The following KHDRBS2 variants were observed in gnomAD, a reference collection of about 807,000 sequenced individuals.
KHDRBS2 encodes the protein KH domain-containing, RNA-binding, signal transduction-associated protein 2.
A neutral mutation model predicts 44.3 loss-of-function variants in KHDRBS2; 26 were observed. The observed-to-expected ratio is 0.59, with a 90% CI of 0.43 to 0.81. KHDRBS2 has a LOEUF of 0.81. Ranked by LOEUF, KHDRBS2 falls within the 40% of genes least tolerant of loss-of-function variation. KHDRBS2 has a pLI of 0.00. For synonymous variants in KHDRBS2, 194 were observed against 151.1 expected, an observed-to-expected ratio of 1.28 and a Z score of -2.08; for missense variants, 476 against 433.1, an observed-to-expected ratio of 1.10 and a Z score of -0.88.
intron 3 of KHDRBS2, among the ~76,000 whole-genome samples, chr6:62,035,930 C>A (rs543597745): frequency 1.3e-5 from 2 of 152,078 alleles, no homozygotes; most frequent in Non-Finnish European, 1.5e-5. Flanking sequence ...GACAAAAATT[C>A]TTCATTAGAT....
chr6:61,577,315 G>A, the KHDRBS2 span, among the ~76,000 whole-genome samples: 1 of 151,946 alleles, frequency 6.6e-6, no homozygotes, highest in East Asian at 1.9e-4. Flanking sequence ...CTTCTTCCAC[G>A]CCTGTGTAAG....
chr6:61,816,781 A>G, intron 6 of KHDRBS2: 1 of 371,686 alleles, frequency 2.7e-6, no homozygotes, highest in Non-Finnish European at 5.4e-6. Flanking sequence ...ATATTCATTC[A>G]AGGTGACATT....
intron 3 of KHDRBS2, 74 bp from the exon 4 acceptor site, chr6:61,978,286 C>G: frequency 8.3e-7 from 1 of 1,198,750 alleles, no homozygotes; most frequent in Non-Finnish European, 1.2e-6. Flanking sequence ...GAGAATATGA[C>G]AAAGGTGTAT....
chr6:62,258,250 C>T (rs1284026400), intron 1 of KHDRBS2, among the ~76,000 whole-genome samples: 3 of 151,980 alleles, frequency 2.0e-5, no homozygotes, highest in Non-Finnish European at 2.9e-5. Context: ...GTTTTTTAAA[C>T]GTTTCCTCCA....
intron 4 of KHDRBS2, among the ~76,000 whole-genome samples, chr6:61,956,773 C>T (rs1473094850): frequency 6.6e-6 from 1 of 152,170 alleles, no homozygotes; most frequent in Admixed American, 6.5e-5. Context: ...ACCCAAAACA[C>T]AAAAAGTATC....
chr6:62,100,780 T>C lies in KHDRBS2; in HGVS notation c.220-52786A>G, dbSNP rs566790073. Among the ~76,000 whole-genome samples, 5 of 152,350 alleles carry C rather than the reference T, an allele frequency of 3.3e-5. No individual in the cohort carries two copies. In the South Asian group the frequency reaches 1.0e-3, roughly 32 times the overall value. ...GTGTAGCATAAACCTAACTTTTATATGCACTGGGAAACCAGATAATTTGTG... is the reference window on the plus strand; with the variant it reads ...GTGTAGCATAAACCTAACTTTTATACGCACTGGGAAACCAGATAATTTGTG... On this transcript the variant is annotated intron_variant, in intron 2 of 8. Coordinates refer to ENST00000281156, the MANE Select transcript of KHDRBS2 (RefSeq NM_152688.4).
At chr6:62,098,042 C>T (rs536718863) in intron 2 of KHDRBS2, among the ~76,000 whole-genome samples, 1 of 152,136 alleles carries the variant, frequency 6.6e-6, no homozygotes, top group East Asian at 1.9e-4. Context: ...TCTATTCCCC[C>T]CACATTTGGA....
chr6:62,090,515 C>G (rs930442820), intron 2 of KHDRBS2, among the ~76,000 whole-genome samples: 1 of 151,480 alleles, frequency 6.6e-6, no homozygotes, highest in African/African-American at 2.4e-5. Context: ...AATACCAATG[C>G]AATTCTCTAC....
Position 61,894,628 on chromosome 6 carries a change from T to G in KHDRBS2, c.810+7A>C. On this transcript the variant is annotated splice_region_variant and intron_variant, in intron 6 of 8. Coordinates refer to ENST00000281156, the MANE Select transcript of KHDRBS2 (RefSeq NM_152688.4). Reference sequence around the variant, plus strand: ...ATCCTTACAACTTATTTCTTAAGAGTACTTACATATTCTTCATAAGCTTCA... The same window carrying G: ...ATCCTTACAACTTATTTCTTAAGAGGACTTACATATTCTTCATAAGCTTCA... 1 of 1,606,318 alleles carries G rather than the reference T, an allele frequency of 6.2e-7. No homozygotes were observed. Among genetic ancestry groups the G allele is most frequent in the Non-Finnish European group, 8.5e-7 (1 of 1,176,260 alleles).
chr6:61,769,574 G>C (rs990311575), intron 6 of KHDRBS2, among the ~76,000 whole-genome samples: 1 of 152,142 alleles, frequency 6.6e-6, no homozygotes, highest in African/African-American at 2.4e-5. Context: ...ATGGAGTCTC[G>C]CTCATTGCTA....
At chr6:62,149,104 A>G (rs956014584) in intron 2 of KHDRBS2, among the ~76,000 whole-genome samples, 1 of 152,090 alleles carries the variant, frequency 6.6e-6, no homozygotes. Context: ...GTTCTTTCCC[A>G]GACACAGCCT....
the KHDRBS2 span, among the ~76,000 whole-genome samples, chr6:61,633,383 A>T: frequency 6.6e-6 from 1 of 152,072 alleles, no homozygotes; most frequent in Non-Finnish European, 1.5e-5. Context: ...CCCTTTACAC[A>T]CTGTGAGGAT....
Position 61,955,536 on chromosome 6 carries a change from A to G in KHDRBS2, c.483+22530T>C, listed in dbSNP as rs200736016. ...CATATGTATGTATGTATACATGTGT[A>G]TATATACACATATGTATGTATACAT... On this transcript the variant is annotated intron_variant, in intron 4 of 8. Coordinates refer to ENST00000281156, the MANE Select transcript of KHDRBS2 (RefSeq NM_152688.4). Among the ~76,000 whole-genome samples, 45 of 18,990 alleles carry G rather than the reference A, an allele frequency of 2.4e-3. 11 individuals are homozygous for G. The highest frequency in any genetic ancestry group is 0.14 in the Middle Eastern group (2 of 14). 12.5% of individuals were successfully genotyped at this position (18,990 alleles called of 152,430 possible). A position where few individuals can be genotyped will look rare whatever the true frequency, so the allele number is the denominator to read the frequency against.
chr6:61,898,333 A>G (rs568235135), intron 5 of KHDRBS2, among the ~76,000 whole-genome samples: 1 of 151,998 alleles, frequency 6.6e-6, no homozygotes, highest in Non-Finnish European at 1.5e-5. Context: ...AATATATAGT[A>G]TCGAGCACTT....
intron 2 of KHDRBS2, among the ~76,000 whole-genome samples, chr6:62,162,444 T>C (rs1386518398): frequency 5.9e-5 from 9 of 152,260 alleles, no homozygotes; most frequent in Admixed American, 2.0e-4. Context: ...AGAAATCTGC[T>C]GATAGTCCTA....
At chr6:62,080,765 A>T (rs1176711081) in intron 2 of KHDRBS2, among the ~76,000 whole-genome samples, 1 of 152,078 alleles carries the variant, frequency 6.6e-6, no homozygotes, top group East Asian at 1.9e-4. Context: ...GTTATTGATG[A>T]GCTTGGCCAA....
intron 6 of KHDRBS2, among the ~76,000 whole-genome samples, chr6:61,833,901 C>T (rs1792236881): frequency 6.6e-6 from 1 of 152,096 alleles, no homozygotes; most frequent in Non-Finnish European, 1.5e-5. Flanking sequence ...CTCTACCCTT[C>T]ATTTGAATGT....
At chr6:61,588,157 T>C in the KHDRBS2 span, among the ~76,000 whole-genome samples, 1 of 152,092 alleles carries the variant, frequency 6.6e-6, no homozygotes, top group Non-Finnish European at 1.5e-5. Context: ...TTTATTAGGG[T>C]TTTTAATGGA....
At chr6:62,049,310 C>CA (rs975189782) in intron 2 of KHDRBS2, among the ~76,000 whole-genome samples, 1 of 151,280 alleles carries the variant, frequency 6.6e-6, no homozygotes, top group South Asian at 2.1e-4. Flanking sequence ...CAAAACAAAA[C>CA]AAAAAAGGAA....
Sources: gnomAD v4.1 joint callset for allele counts (sites outside exome capture counted in the v4.1 genomes callset) on GRCh38, gnomAD v4.1.1 for gene constraint, MANE v1.5 for transcripts, NCBI Gene and HGNC (gene_info 2026-07-23, HGNC 2026-07-21) for gene names.